The following KIDINS220 variants were observed in gnomAD, a reference collection of about 807,000 sequenced individuals.
The protein encoded by KIDINS220 is kinase D interacting substrate 220.
A neutral mutation model predicts 157.6 loss-of-function variants in KIDINS220; 63 were observed. The observed-to-expected ratio is 0.40, with a 90% CI of 0.33 to 0.49. The LOEUF (loss-of-function observed/expected upper bound fraction) is 0.49. Ranked by LOEUF, KIDINS220 falls within the 20% of genes least tolerant of loss-of-function variation. The pLI is 0.66. For missense variants in KIDINS220, 1,772 were observed against 2,171.2 expected, an observed-to-expected ratio of 0.82 and a Z score of 3.65; for synonymous variants, 732 against 783.6, an observed-to-expected ratio of 0.93 and a Z score of 1.10.
chr2:8,774,496 T>C (rs1487186707), intron 21 of KIDINS220, among the ~76,000 whole-genome samples: 3 of 152,060 alleles, frequency 2.0e-5, no homozygotes, highest in Non-Finnish European at 1.5e-5. Flanking sequence ...CCAAAGAAGA[T>C]GTCATTTTAT....
chr2:8,779,178 A>G, intron 18 of KIDINS220, 39 bp from the exon 19 acceptor site: 1 of 1,599,420 alleles, frequency 6.3e-7, no homozygotes, highest in Non-Finnish European at 8.5e-7. Context: ...CATACATTTT[A>G]AATTGTCCAA....
At chr2:8,776,390 T>C (rs1316698523) in intron 21 of KIDINS220, among the ~76,000 whole-genome samples, 1 of 152,010 alleles carries the variant, frequency 6.6e-6, no homozygotes, top group African/African-American at 2.4e-5. Flanking sequence ...TCAAAATATA[T>C]GAAAATTAAA....
intron 22 of KIDINS220, among the ~76,000 whole-genome samples, chr2:8,766,279 C>T (rs1015317959): frequency 6.6e-6 from 1 of 152,140 alleles, no homozygotes; most frequent in Non-Finnish European, 1.5e-5. Flanking sequence ...CTCTCTGGCC[C>T]GGAACTGTTC....
At chr2:8,760,214 TCA>T (rs1439246468) in intron 22 of KIDINS220, among the ~76,000 whole-genome samples, 2 of 152,244 alleles carry the variant, frequency 1.3e-5, no homozygotes, top group African/African-American at 4.8e-5. Context: ...TCTTTTAGTT[TCA>T]GTTTTTTGCA....
At chr2:8,758,371 C>T (rs1408550393) in intron 22 of KIDINS220, among the ~76,000 whole-genome samples, 2 of 152,162 alleles carry the variant, frequency 1.3e-5, no homozygotes, top group Non-Finnish European at 2.9e-5. Flanking sequence ...TCACCCTCAC[C>T]AATCCTCAGG....
At chr2:8,742,233 T>C (rs1665728339) in intron 26 of KIDINS220, among the ~76,000 whole-genome samples, 1 of 151,874 alleles carries the variant, frequency 6.6e-6, no homozygotes. Context: ...GTAGGGGGAC[T>C]TCAGGTGTGC....
chr2:8,759,036 G>T (rs960039082), intron 22 of KIDINS220, among the ~76,000 whole-genome samples: 1 of 152,174 alleles, frequency 6.6e-6, no homozygotes, highest in Non-Finnish European at 1.5e-5. Context: ...ACAGTGCCAG[G>T]TGTTCTCACT....
intron 22 of KIDINS220, among the ~76,000 whole-genome samples, chr2:8,755,846 C>T (rs1265006227): frequency 6.6e-6 from 1 of 152,210 alleles, no homozygotes; most frequent in African/African-American, 2.4e-5. Context: ...ATATGTCCAT[C>T]CTCATGCCTG....
Position 8,817,621 on chromosome 2 carries a change from A to G in KIDINS220, c.303T>C (p.Asp101=). 6.3e-7 allele frequency: 1 copy of G among 1,587,408 alleles called. No individual in the cohort carries two copies. The highest frequency in any genetic ancestry group is 1.1e-5 in the South Asian group (1 of 88,454). The change falls in exon 4 of 30, where the codon GAT becomes GAC. Residue 101 remains aspartate, a synonymous_variant. Coordinates refer to ENST00000256707, the MANE Select transcript of KIDINS220 (RefSeq NM_020738.4). ...GAACATATAAAAATGTCCATACCAT[A>G]TCACGGTGCTCCAAGTTAACCCCAC... The part of the protein sequence containing the change: ...LKCGVNLEHR[D]MGGWTALMWA...
At chr2:8,803,862 T>G (rs1675068832) in intron 7 of KIDINS220, among the ~76,000 whole-genome samples, 1 of 152,002 alleles carries the variant, frequency 6.6e-6, no homozygotes, top group African/African-American at 2.4e-5. Context: ...AAACAATAAA[T>G]CAACTAAGAG....
At chr2:8,827,692 A>G (rs1679017001) in intron 1 of KIDINS220, among the ~76,000 whole-genome samples, 1 of 152,172 alleles carries the variant, frequency 6.6e-6, no homozygotes. Flanking sequence ...AAATGGTCTC[A>G]CTGCAAATAA....
rs1668162949 is a variant in KIDINS220 at position 8,757,524 on chromosome 2, T to G, written c.3012-5880A>C. ...AAGTGACTGTACTGTTGTTTGCTCT[T>G]TAATGTTTCAACTACCCATTCCGTT... On this transcript the variant is annotated intron_variant, in intron 22 of 29. Coordinates refer to ENST00000256707, the MANE Select transcript of KIDINS220 (RefSeq NM_020738.4). 6 of 1,441,416 alleles carry G rather than the reference T, an allele frequency of 4.2e-6. No individual in the cohort carries two copies. In the South Asian group the frequency reaches 8.6e-5, roughly 21 times the overall value. 89.3% of individuals were successfully genotyped at this position (1,441,416 alleles called of 1,614,324 possible). A position where few individuals can be genotyped will look rare whatever the true frequency, so the allele number is the denominator to read the frequency against.
Position 8,733,507 on chromosome 2 carries a change from G to A in KIDINS220, c.3990C>T (p.Phe1330=), listed in dbSNP as rs193191007. ...SQTPYTLNFS[F]EELNTLGLDE... ...CCAGGCCAAGCGTGTTCAGCTCTTC[G>A]AAGCTGAAGTTGAGTGTGTAGGGCG... Residue 1330 remains phenylalanine, a synonymous_variant, in exon 29 of 30, where the codon TTC becomes TTT. Transcript: ENST00000256707. 2.0e-5 allele frequency: 33 copies of A among 1,614,102 alleles called. No individual in the cohort carries two copies. Among genetic ancestry groups the A allele is most frequent in the Admixed American group, 1.3e-4 (8 of 60,030 alleles).
intron 2 of KIDINS220, among the ~76,000 whole-genome samples, chr2:8,820,757 G>A (rs1677830075): frequency 6.6e-6 from 1 of 152,050 alleles, no homozygotes; most frequent in South Asian, 2.1e-4. Flanking sequence ...AGCTATGCAC[G>A]TACTGCTAGT....
intron 26 of KIDINS220, among the ~76,000 whole-genome samples, chr2:8,743,597 G>A (rs757215444): frequency 2.0e-5 from 3 of 152,154 alleles, no homozygotes; most frequent in Admixed American, 1.3e-4. Flanking sequence ...TGACTAAGTC[G>A]TGTTCAGGAC....
At chr2:8,807,809 G>T (rs888576900) in intron 6 of KIDINS220, among the ~76,000 whole-genome samples, 13 of 152,216 alleles carry the variant, frequency 8.5e-5, no homozygotes, top group African/African-American at 3.1e-4. Context: ...CTCAAAGCAG[G>T]CTTAGGAAGA....
chr2:8,803,913 T>C (rs945303478), intron 7 of KIDINS220, among the ~76,000 whole-genome samples: 6 of 152,202 alleles, frequency 3.9e-5, no homozygotes, highest in Non-Finnish European at 1.5e-5. Flanking sequence ...TAAAACTGCT[T>C]CTTGAGATGT....
In KIDINS220 at chr2:8,803,138, C is replaced by A; in HGVS notation, c.604-11G>T. On this transcript the variant is annotated splice_polypyrimidine_tract_variant and intron_variant, in intron 7 of 29. Coordinates refer to ENST00000256707, the MANE Select transcript of KIDINS220 (RefSeq NM_020738.4). ...TGCAGTCATTGAATTCTAAAAACAA[C>A]AACAACAAAAACAAAACAAAACGCA... The A allele has an allele frequency of 2.5e-6, 4 of 1,595,848 alleles. No homozygotes were observed. Among genetic ancestry groups the A allele is most frequent in the Non-Finnish European group, 3.4e-6 (4 of 1,173,442 alleles).
At chr2:8,772,873 C>T (rs1257854509) in intron 21 of KIDINS220, among the ~76,000 whole-genome samples, 1 of 152,102 alleles carries the variant, frequency 6.6e-6, no homozygotes, top group Non-Finnish European at 1.5e-5. Flanking sequence ...TACACTTTTG[C>T]ATACATGGGA....
Sources: allele counts gnomAD v4.1 joint callset (sites outside exome capture counted in the v4.1 genomes callset), GRCh38; gene constraint gnomAD v4.1.1; transcripts MANE v1.5; gene names NCBI Gene and HGNC (gene_info 2026-07-23, HGNC 2026-07-21).